LBH: variants seen among roughly 807,000 people sequenced by gnomAD.
LBH encodes the protein LBH regulator of Wnt signaling pathway.
Under a neutral mutation model 12.5 loss-of-function variants are expected in LBH, and 7 were observed. The observed-to-expected ratio is 0.56, with a 90% CI of 0.32 to 1.05. LBH has a LOEUF of 1.05. Among genes scored for constraint, LBH ranks in the 50% least tolerant of loss-of-function variants. The probability of loss-of-function intolerance (pLI) is 0.04; values close to 1 mark genes in which losing one functional copy is unlikely to be tolerated. For missense variants in LBH, 119 were observed against 138.9 expected, an observed-to-expected ratio of 0.86 and a Z score of 0.72; for synonymous variants, 51 against 50.1, an observed-to-expected ratio of 1.02 and a Z score of -0.08.
intron 2 of LBH, among the ~76,000 whole-genome samples, chr2:30,252,354 G>A (rs991630627): frequency 4.6e-5 from 7 of 152,120 alleles, no homozygotes; most frequent in South Asian, 2.1e-4. Context: ...ATGTGGAACC[G>A]TGAGGCAATT....
At chr2:30,234,592 G>C in intron 2 of LBH, 85 bp downstream of exon 2, 1 of 909,872 alleles carries the variant, frequency 1.1e-6, no homozygotes. Flanking sequence ...TTGCATCCCA[G>C]TGCCACATAT....
chr2:30,259,479 T>A lies in LBH; in HGVS notation c.*1858T>A, dbSNP rs886072933. ...TTGGCTGCAGAGAGTGGTTCATCCA[T>A]ACTCTCATTCCCTCGCCTCCCCTTG... On this transcript the variant is annotated 3_prime_UTR_variant, in exon 3 of 3. Transcript: ENST00000395323. The A allele has an allele frequency of 2.6e-5, 4 of 153,160 alleles. No individual in the cohort carries two copies. Among genetic ancestry groups the A allele is most frequent in the African/African-American group, 9.6e-5 (4 of 41,458 alleles). The allele number at this position is 153,160 out of a possible 1,614,324, so 9.5% of individuals were successfully genotyped here.
chr2:30,238,563 C>T (rs1198155778), intron 2 of LBH, among the ~76,000 whole-genome samples: 1 of 152,238 alleles, frequency 6.6e-6, no homozygotes, highest in African/African-American at 2.4e-5. Context: ...TCACACACCA[C>T]AGTGCTTGTG....
Position 30,231,759 on chromosome 2 carries a change from T to C in LBH, c.21T>C (p.Ile7=), listed in dbSNP as rs771862682. 12 of 1,580,490 alleles carry C rather than the reference T, an allele frequency of 7.6e-6. No individual in the cohort carries two copies. In the Admixed American group the frequency reaches 2.1e-4, roughly 28 times the overall value. Residue 7 remains isoleucine, a synonymous_variant, in exon 1 of 3, where the codon ATT becomes ATC. Coordinates refer to ENST00000395323, the MANE Select transcript of LBH (RefSeq NM_030915.4). ...ACTTCATGTCTATATATTTCCCCATTCACTGGTGAGTACCCTGCGCCTGCG... is the reference window on the plus strand; with the variant it reads ...ACTTCATGTCTATATATTTCCCCATCCACTGGTGAGTACCCTGCGCCTGCG... The part of the protein sequence containing the change: MSIYFP[I]HCPDYLRSAK...
At chr2:30,234,167 A>C in intron 1 of LBH, 9 of 510,600 alleles carry the variant, frequency 1.8e-5, no homozygotes, top group East Asian at 3.3e-5. Context: ...AGAGGAGGGA[A>C]GAGGTTTGCC....
chr2:30,242,474 C>G (rs963909335), intron 2 of LBH, among the ~76,000 whole-genome samples: 1 of 152,050 alleles, frequency 6.6e-6, no homozygotes, highest in African/African-American at 2.4e-5. Context: ...AAACTCCTGC[C>G]CTCAAGTGAT....
In LBH at chr2:30,250,237, G is replaced by C. The variant is rs570718996; in HGVS notation, c.130-7196G>C. Among the ~76,000 whole-genome samples the C allele has an allele frequency of 5.9e-5, 9 of 152,238 alleles. No homozygotes were observed. The East Asian group carries it at 1.7e-3, about 29-fold the overall frequency. On this transcript the variant is annotated intron_variant, in intron 2 of 2. Transcript: ENST00000395323. ...GGTTTTGTCCACAGTGCCTTAGGGA[G>C]CTAGCCTGGTTATGTATCTCAGGCT...
chr2:30,254,394 C>A (rs1678042929), intron 2 of LBH, among the ~76,000 whole-genome samples: 1 of 152,138 alleles, frequency 6.6e-6, no homozygotes, highest in Non-Finnish European at 1.5e-5. Flanking sequence ...CCGTGGGTAA[C>A]TGAAACCAAG....
At chr2:30,234,376 G>C (rs747502389) in intron 1 of LBH, 29 bp from the exon 2 acceptor site, 2 of 1,567,816 alleles carry the variant, frequency 1.3e-6, no homozygotes, top group Non-Finnish European at 1.8e-6. Flanking sequence ...GCGTGTGTTT[G>C]TTGACTTTTG....
intron 2 of LBH, among the ~76,000 whole-genome samples, chr2:30,244,485 G>T (rs922465635): frequency 2.0e-5 from 3 of 152,046 alleles, no homozygotes; most frequent in Admixed American, 1.3e-4. Context: ...CTTGCTTTTT[G>T]CAAATTGCAT....
At chr2:30,241,460 C>CTTTTTTTT (rs777223190) in intron 2 of LBH, among the ~76,000 whole-genome samples, 2 of 132,608 alleles carry the variant, frequency 1.5e-5, no homozygotes, top group Non-Finnish European at 3.2e-5. Context: ...TTCTTTCTTT[C>CTTTTTTTT]TTTTTTTTTT....
Position 30,234,408 on chromosome 2 carries a change from C to G in LBH, c.30C>G (p.Pro10=), listed in dbSNP as rs766121009. 6.2e-6 allele frequency: 10 copies of G among 1,613,710 alleles called. No individual in the cohort carries two copies. In the East Asian group the frequency reaches 2.2e-4, roughly 36 times the overall value. Residue 10 remains proline, a synonymous_variant, in exon 2 of 3, where the codon CCC becomes CCG. Transcript: ENST00000395323. MSIYFPIHC[P]DYLRSAKMTE... ...TTTGGTCTGGGTTTCTTGGCAGCCC[C>G]GACTATCTGAGATCGGCCAAGATGA...
intron 2 of LBH, among the ~76,000 whole-genome samples, chr2:30,243,626 G>A (rs1011671920): frequency 4.6e-5 from 7 of 150,704 alleles, no homozygotes; most frequent in Admixed American, 4.0e-4. Flanking sequence ...CGCCTCCCTG[G>A]TTCAAGTGAT....
At chr2:30,246,794 T>C (rs1361898859) in intron 2 of LBH, among the ~76,000 whole-genome samples, 1 of 148,518 alleles carries the variant, frequency 6.7e-6, no homozygotes, top group Non-Finnish European at 1.5e-5. Flanking sequence ...TTTTCTTTCC[T>C]TCCTCACTCA....
Position 30,231,745 on chromosome 2 carries a change from A to G in LBH, c.7A>G (p.Ile3Val), listed in dbSNP as rs1230173107. The G allele has an allele frequency of 1.3e-6, 2 of 1,581,514 alleles. No homozygotes were observed. Among genetic ancestry groups the G allele is most frequent in the South Asian group, 1.1e-5 (1 of 87,532 alleles). The change falls in exon 1 of 3, where the codon ATA (isoleucine) becomes GTA (valine). Residue 3 changes from isoleucine (I) to valine (V), a missense_variant. Ile to Val is a conservative substitution (Grantham distance 29). Coordinates refer to ENST00000395323, the MANE Select transcript of LBH (RefSeq NM_030915.4). ...CAGCCTGCCCTAGGACTTCATGTCT[A>G]TATATTTCCCCATTCACTGGTGAGT... MS[I>V]YFPIHCPDYL... is the part of the protein sequence containing the mutation.
chr2:30,235,047 C>T (rs1199478061), intron 2 of LBH, among the ~76,000 whole-genome samples: 1 of 152,122 alleles, frequency 6.6e-6, no homozygotes, highest in African/African-American at 2.4e-5. Flanking sequence ...GATATTTTCC[C>T]CAAAGGGAGG....
chr2:30,243,808 C>T (rs1033308524), intron 2 of LBH, among the ~76,000 whole-genome samples: 8 of 151,866 alleles, frequency 5.3e-5, no homozygotes, highest in East Asian at 1.9e-4. Flanking sequence ...GGATTACAGA[C>T]GTGAGCCACT....
At chr2:30,250,150 A>G (rs1236930208) in intron 2 of LBH, among the ~76,000 whole-genome samples, 1 of 152,176 alleles carries the variant, frequency 6.6e-6, no homozygotes, top group East Asian at 1.9e-4. Flanking sequence ...AATTTTCCTG[A>G]GCGGGTTTGG....
intron 1 of LBH, chr2:30,232,083 G>C (rs1008243746): frequency 8.5e-6 from 13 of 1,528,888 alleles, no homozygotes; most frequent in Non-Finnish European, 1.1e-5. Flanking sequence ...TATGCGGAGA[G>C]CTGCAGGAGG....
Sources: gnomAD v4.1 joint callset for allele counts (sites outside exome capture counted in the v4.1 genomes callset) on GRCh38, gnomAD v4.1.1 for gene constraint, MANE v1.5 for transcripts, NCBI Gene and HGNC (gene_info 2026-07-23, HGNC 2026-07-21) for gene names.